The following UTP14A variants were observed in gnomAD, a reference collection of about 807,000 sequenced individuals.
UTP14A encodes UTP14A small subunit processome component.
UTP14A carries 5 observed loss-of-function variants against 57.2 expected under a neutral mutation model. The ratio of observed to expected loss-of-function variants is 0.09; its 90% CI spans 0.05 to 0.18. UTP14A has a LOEUF of 0.18. UTP14A is among the 10% of genes least tolerant of loss of function. The pLI is 1.00. For synonymous variants in UTP14A, 169 were observed against 210.9 expected, an observed-to-expected ratio of 0.80 and a Z score of 1.72; for missense variants, 430 against 562.1, an observed-to-expected ratio of 0.76 and a Z score of 2.38.
rs202078352 is a variant in UTP14A, at chrX:129,911,886, A to G, written c.502A>G (p.Ile168Val). ...VFPLEKEEPAIAPIEHVLSGW... is the reference protein window; with the variant it reads ...VFPLEKEEPAVAPIEHVLSGW... Reference sequence around the variant, plus strand: ...TCCCCTGGAGAAAGAGGAGCCAGCCATTGCTCCCATTGAACATGTGCTCAG... The same window carrying G: ...TCCCCTGGAGAAAGAGGAGCCAGCCGTTGCTCCCATTGAACATGTGCTCAG... Residue 168 changes from isoleucine to valine, a missense_variant, in exon 6 of 15, where the codon ATT (isoleucine) becomes GTT (valine). Ile to Val is a conservative substitution (Grantham distance 29). Around this residue, in one of 4 missense-constraint regions of UTP14A, gnomAD observed 145 missense variants for 153.5 expected, o/e 0.94. Coordinates refer to ENST00000394422, the MANE Select transcript of UTP14A (RefSeq NM_006649.4). 155 of 1,209,475 alleles carry G rather than the reference A, an allele frequency of 1.3e-4. No homozygotes were observed. In the East Asian group the frequency reaches 4.0e-3, roughly 31 times the overall value.
intron 9 of UTP14A, 41 bp from the exon 10 acceptor site, chrX:129,920,634 G>A (rs773368367): frequency 1.7e-6 from 2 of 1,182,832 alleles, no homozygotes; most frequent in Non-Finnish European, 2.3e-6. Flanking sequence ...TTCCTTGGAA[G>A]GCACTAAAGA....
At position 129,907,396 on chromosome X, in the gene UTP14A, T is replaced by G; in HGVS notation, c.56T>G (p.Leu19Arg). Residue 19 changes from leucine to arginine, a missense_variant, in exon 2 of 15, where the codon CTA (leucine) becomes CGA (arginine). Coordinates refer to ENST00000394422, the MANE Select transcript of UTP14A (RefSeq NM_006649.4). ...SLLALSQQEE[L>R]ADLPKDYLLS... ...CTGGCTTTGAGCCAACAGGAAGAACTAGCGGATTTGCCAAAAGACTACCTC... is the reference window on the plus strand; with the variant it reads ...CTGGCTTTGAGCCAACAGGAAGAACGAGCGGATTTGCCAAAAGACTACCTC... 8.3e-7 allele frequency: 1 copy of G among 1,210,025 alleles called. No homozygotes were observed. The highest frequency in any genetic ancestry group is 1.1e-6 in the Non-Finnish European group (1 of 895,057).
In UTP14A at chrX:129,928,237, T is replaced by C. The variant is rs186989369; in HGVS notation, c.2044-1099T>C. On this transcript the variant is annotated intron_variant, in intron 14 of 14. Transcript: ENST00000394422. ...TAAAAAAAAAAATACAAAAAAAAAT[T>C]AGCCAGGCATGGTGGCAGGCCCCTG... 5.0e-3 allele frequency among the ~76,000 whole-genome samples: 520 copies of C among 104,163 alleles called. 1 individual carries two copies. Among genetic ancestry groups the C allele is most frequent in the African/African-American group, 0.017 (475 of 28,451 alleles). 90.5% of individuals were successfully genotyped at this position (104,163 alleles called of 115,157 possible).
chrX:129,926,226 G>C lies in UTP14A; in HGVS notation c.1944-14G>C. 1 of 1,210,493 alleles carries C rather than the reference G, an allele frequency of 8.3e-7. No homozygotes were observed. The highest frequency in any genetic ancestry group is 1.8e-5 in the South Asian group (1 of 56,986). ...AATGCTCCTAGTCAGATGTCCTGTTGTTTTGCTTTCCAGGTTTCTCATTAA... is the reference window on the plus strand; with the variant it reads ...AATGCTCCTAGTCAGATGTCCTGTTCTTTTGCTTTCCAGGTTTCTCATTAA... On this transcript the variant is annotated splice_polypyrimidine_tract_variant and intron_variant, in intron 13 of 14. Transcript: ENST00000394422.
intron 11 of UTP14A, 160 bp downstream of exon 11, chrX:129,921,747 A>C: frequency 1.8e-6 from 1 of 564,167 alleles, no homozygotes; most frequent in Non-Finnish European, 2.6e-6. Context: ...AATTAGATTC[A>C]TAACTATTTT....
At chrX:129,911,680 T>C (rs2273021) in intron 5 of UTP14A, 86 bp from the exon 6 acceptor site, 142,288 of 1,078,113 alleles carry the variant, frequency 0.13, 8,603 homozygotes, top group African/African-American at 0.39. Context: ...GGCTAAGAAA[T>C]GTTGCTTCCT....
rs1232154443 is a variant in UTP14A at position 129,926,015 on chromosome X, G to T, written c.1846G>T (p.Val616Leu). ...TTTCTTGAAAGAGAAGAGGGAAGCT[G>T]TGGAGGCGAGTAAGCCAAAGGACGT... ...RDFLKEKREA[V>L]EASKPKDVDL... is the part of the protein sequence containing the mutation. The change falls in exon 13 of 15, where the codon GTG becomes TTG. Residue 616 changes from valine to leucine, a missense_variant. This residue lies in a region of UTP14A where 82 missense variants were observed against 151.4 expected (regional missense o/e 0.54). Transcript: ENST00000394422. 1 of 1,210,138 alleles carries T rather than the reference G, an allele frequency of 8.3e-7. No individual in the cohort carries two copies. Among genetic ancestry groups the T allele is most frequent in the African/African-American group, 1.7e-5 (1 of 57,361 alleles).
At chrX:129,910,738 A>G (rs1007082788) in intron 4 of UTP14A, among the ~76,000 whole-genome samples, 6 of 112,335 alleles carry the variant, frequency 5.3e-5, no homozygotes, top group African/African-American at 1.9e-4. Flanking sequence ...ATGAATTGCA[A>G]TGGGGCAAGA....
chrX:129,928,384 CAAA>C (rs1183151025), intron 14 of UTP14A, among the ~76,000 whole-genome samples: 5 of 8,763 alleles, frequency 5.7e-4, no homozygotes, highest in Non-Finnish European at 8.6e-4. Context: ...GACTCCATCT[CAAA>C]AAAAAAAAAA....
At chrX:129,917,388 G>A (rs1312678407) in intron 6 of UTP14A, among the ~76,000 whole-genome samples, 1 of 111,884 alleles carries the variant, frequency 8.9e-6, no homozygotes, top group East Asian at 2.8e-4. Flanking sequence ...TACTGACCAC[G>A]ATGTATATGG....
In UTP14A at chrX:129,921,355, G is replaced by A. The variant is rs778202305; in HGVS notation, c.1116G>A (p.Pro372=). Residue 372 remains proline, a synonymous_variant, in exon 11 of 15, where the codon CCG becomes CCA. Coordinates refer to ENST00000394422, the MANE Select transcript of UTP14A (RefSeq NM_006649.4). The stretch of plus-strand genomic sequence containing the variant: ...AAGTGCAGATGAATGCAGATGGGCC[G>A]AATCCCTGGATGCTCAGGAGCTGCA... ...VNEVQMNADG[P]NPWMLRSCTS... The A allele has an allele frequency of 2.5e-6, 3 of 1,211,679 alleles. No individual in the cohort carries two copies. The highest frequency in any genetic ancestry group is 3.3e-6 in the Non-Finnish European group (3 of 895,534).
intron 8 of UTP14A, 77 bp downstream of exon 8, chrX:129,919,566 A>T (rs1361346327): frequency 1.9e-6 from 2 of 1,066,931 alleles, no homozygotes; most frequent in Non-Finnish European, 2.5e-6. Context: ...CTTTGGAGAG[A>T]ACCTTTGATG....
intron 7 of UTP14A, 37 bp downstream of exon 7, chrX:129,919,331 T>A: frequency 1.7e-6 from 2 of 1,211,224 alleles, no homozygotes; most frequent in Non-Finnish European, 2.2e-6. Flanking sequence ...CACCCAGGCA[T>A]GCCACGCTTC....
chrX:129,923,813 A>C (rs1400829089), intron 11 of UTP14A, among the ~76,000 whole-genome samples: 1 of 111,371 alleles, frequency 9.0e-6, no homozygotes, highest in South Asian at 3.8e-4. Flanking sequence ...CCACCTGTTA[A>C]AGTGGCTTCC....
At chrX:129,917,088 T>C (rs901946507) in intron 6 of UTP14A, among the ~76,000 whole-genome samples, 4 of 111,963 alleles carry the variant, frequency 3.6e-5, no homozygotes, top group African/African-American at 1.3e-4. Flanking sequence ...GTGAGCTCTA[T>C]GAGGACAGGA....
At position 129,906,216 on chromosome X, in the gene UTP14A, T is replaced by C; in HGVS notation, c.6T>C (p.Thr2=). Residue 2 remains threonine, a synonymous_variant, in exon 1 of 15, where the codon ACT becomes ACC. Transcript: ENST00000394422. ...GAGAGAAGCTGGCTGCTGAAATGAC[T>C]GCGAACCGGCTTGCAGAGAGGTGAA... The part of the protein sequence containing the change: M[T]ANRLAESLLA... The C allele has an allele frequency of 8.3e-7, 1 of 1,209,968 alleles. No homozygotes were observed. The highest frequency in any genetic ancestry group is 3.0e-5 in the East Asian group (1 of 33,715).
intron 4 of UTP14A, 69 bp downstream of exon 4, chrX:129,908,803 A>AC (rs773830611): frequency 6.9e-5 from 70 of 1,016,932 alleles, no homozygotes; most frequent in Middle Eastern, 2.6e-4. Flanking sequence ...TGTTCACCTC[A>AC]CCCCCCCTAG....
chrX:129,907,035 ATGT>A lies in UTP14A; in HGVS notation c.27-328_27-326del, dbSNP rs1006303865. On this transcript the variant is annotated intron_variant, in intron 1 of 14. Transcript: ENST00000394422. The stretch of plus-strand genomic sequence containing the variant: ...TACAGCTTCCCATAGGTCATAGGAA[ATGT>A]TGTGCCAATCCCTGAAAAGTGATAG... Among the ~76,000 whole-genome samples the A allele has an allele frequency of 6.4e-5, 7 of 110,033 alleles. No homozygotes were observed. In the South Asian group the frequency reaches 1.6e-3, roughly 25 times the overall value.
chrX:129,914,614 G>A (rs1261487778), intron 6 of UTP14A, among the ~76,000 whole-genome samples: 2 of 110,606 alleles, frequency 1.8e-5, no homozygotes, highest in African/African-American at 3.3e-5. Flanking sequence ...AAAGAAAATC[G>A]AAAGTCTGTA....
Sources: gnomAD v4.1 joint callset for allele counts (sites outside exome capture counted in the v4.1 genomes callset) on GRCh38, gnomAD v4.1.1 for gene constraint, gnomAD v4.1.1 regional missense constraint, MANE v1.5 for transcripts, NCBI Gene and HGNC (gene_info 2026-07-23, HGNC 2026-07-21) for gene names.